Variants in PM20D1 observed in about 807,000 individuals in gnomAD.
PM20D1 encodes peptidase M20 domain containing 1.
In PM20D1, 53 loss-of-function variants were observed where a neutral mutation model predicts 53.8. The observed-to-expected ratio is 0.98, with a 90% CI of 0.79 to 1.24. PM20D1 has a LOEUF of 1.24. PM20D1 is among the 50% of genes most tolerant of loss of function. PM20D1 has a pLI of 0.00. For synonymous variants in PM20D1, 239 were observed against 241.3 expected (o/e 0.99, Z 0.09); for missense variants, 564 against 616.8 (o/e 0.91, Z 0.91).
At chr1:205,835,592 C>T (rs916361494) in intron 10 of PM20D1, among the ~76,000 whole-genome samples, 8 of 126,636 alleles carry the variant, frequency 6.3e-5, no homozygotes, top group African/African-American at 2.4e-4. Flanking sequence ...GCGGAGCTTG[C>T]AGTGGGCCAA....
At position 205,841,014 on chromosome 1, in the gene PM20D1, G is replaced by A. The variant is rs112273816; in HGVS notation, c.1045-691C>T. Among the ~76,000 whole-genome samples the A allele has an allele frequency of 1.7e-3, 253 of 152,284 alleles. 2 individuals are homozygous for A. The highest frequency in any genetic ancestry group is 5.4e-3 in the African/African-American group (226 of 41,552). ...GACCCTAAGACCTAACATAACCTTT[G>A]GGAGCTGGTTCCCTCTTATCCTTGA... On this transcript the variant is annotated intron_variant, in intron 9 of 12. Transcript: ENST00000367136.
At chr1:205,828,773 G>C (rs1224390252) in intron 12 of PM20D1, 30 bp from the exon 13 acceptor site, 1 of 1,612,914 alleles carries the variant, frequency 6.2e-7, no homozygotes, top group Admixed American at 1.7e-5. Context: ...TTTAGGGAAG[G>C]AGGGGAGGGC....
At chr1:205,835,651 C>CAAAAAAAAAAAA (rs59126866) in intron 10 of PM20D1, among the ~76,000 whole-genome samples, 1 of 55,558 alleles carries the variant, frequency 1.8e-5, no homozygotes, top group Non-Finnish European at 3.0e-5. Context: ...GACTCCGACT[C>CAAAAAAAAAAAA]AAAAAAAAAA....
chr1:205,833,568 T>G (rs1656609046), intron 10 of PM20D1, among the ~76,000 whole-genome samples: 1 of 152,216 alleles, frequency 6.6e-6, no homozygotes, highest in African/African-American at 2.4e-5. Flanking sequence ...GGAAAGAACC[T>G]AAGGAAACTC....
At chr1:205,838,487 A>G (rs758268234) in intron 10 of PM20D1, among the ~76,000 whole-genome samples, 49 of 152,154 alleles carry the variant, frequency 3.2e-4, no homozygotes, top group Non-Finnish European at 5.1e-4. Flanking sequence ...TATAGCACTC[A>G]TCGTGGTTTG....
chr1:205,832,652 G>C lies in PM20D1; in HGVS notation c.1231C>G (p.Leu411Val), dbSNP rs1292135443. 1 of 1,614,088 alleles carries C rather than the reference G, an allele frequency of 6.2e-7. No individual in the cohort carries two copies. Among genetic ancestry groups the C allele is most frequent in the East Asian group, 2.2e-5 (1 of 44,890 alleles). ...PSDDKALGYQ[L>V]LRQTVQSVFP... ...ACGGACTGTACGGTCTGGCGGAGCA[G>C]CTGGTAGCCCAAGGCCTTGTCATCA... Residue 411 changes from leucine to valine, a missense_variant, in exon 11 of 13, where the codon CTG (leucine) becomes GTG (valine). By Grantham distance (32) the Leu-to-Val change is conservative. Coordinates refer to ENST00000367136, the MANE Select transcript of PM20D1 (RefSeq NM_152491.5).
rs139312015 is a variant in PM20D1 at position 205,834,641 on chromosome 1, A to G, written c.1117-1875T>C. Among the ~76,000 whole-genome samples the G allele has an allele frequency of 4.4e-4, 67 of 152,344 alleles. No homozygotes were observed. In the East Asian group the frequency reaches 0.013, roughly 29 times the overall value. ...AGCATATTTTCACTCTAGCACTTAT[A>G]ATACAAATATCCTAATACAAGAATT... On this transcript the variant is annotated intron_variant, in intron 10 of 12. Coordinates refer to ENST00000367136, the MANE Select transcript of PM20D1 (RefSeq NM_152491.5).
rs761938080 is a variant in PM20D1 at position 205,845,370 on chromosome 1, G to A, written c.444C>T (p.Gly148=). 67 of 1,614,018 alleles carry A rather than the reference G, an allele frequency of 4.2e-5. 1 individual carries two copies. In the South Asian group the frequency reaches 5.1e-4, roughly 12 times the overall value. The change falls in exon 3 of 13, where the codon GGC becomes GGT. Residue 148 remains glycine (G), a synonymous_variant. Coordinates refer to ENST00000367136, the MANE Select transcript of PM20D1 (RefSeq NM_152491.5). ...CCAGTGTGCCCCGACCATAGATGAT[G>A]CCATCACGCTCCAACCCAGAGAATG... The part of the protein sequence containing the change: ...VPPFSGLERD[G]IIYGRGTLDD...
At chr1:205,837,583 T>C (rs1394366549) in intron 10 of PM20D1, among the ~76,000 whole-genome samples, 1 of 152,004 alleles carries the variant, frequency 6.6e-6, no homozygotes, top group Non-Finnish European at 1.5e-5. Context: ...CAGCAGGGAG[T>C]GTTCCTGACG....
Position 205,850,000 on chromosome 1 carries a change from A to G in PM20D1, c.73T>C (p.Ser25Pro). 6.2e-7 allele frequency: 1 copy of G among 1,614,106 alleles called. No homozygotes were observed. Among genetic ancestry groups the G allele is most frequent in the Non-Finnish European group, 8.5e-7 (1 of 1,179,990 alleles). Residue 25 changes from serine to proline, a missense_variant, in exon 1 of 13, where the codon TCG becomes CCG. Ser to Pro is a moderately conservative substitution (Grantham distance 74). Coordinates refer to ENST00000367136, the MANE Select transcript of PM20D1 (RefSeq NM_152491.5). ...TGCTCCCCGCTCCTCGGGCCCATCG[A>G]TCTGGAGACGGTAGGGAAAACTAGG... ...LLLVFPTVSRSMGPRSGEHQR... is the reference protein window; with the variant it reads ...LLLVFPTVSRPMGPRSGEHQR...
intron 10 of PM20D1, among the ~76,000 whole-genome samples, chr1:205,835,689 G>C (rs756056197): frequency 6.7e-6 from 1 of 148,228 alleles, no homozygotes; most frequent in African/African-American, 2.5e-5. Context: ...TGTAATGTGC[G>C]TAGGGCAGTG....
At chr1:205,835,019 G>T (rs188157886) in intron 10 of PM20D1, among the ~76,000 whole-genome samples, 17 of 152,312 alleles carry the variant, frequency 1.1e-4, no homozygotes, top group Admixed American at 9.8e-4. Context: ...TAAATAACTT[G>T]CCATGGGTTA....
chr1:205,833,164 G>A (rs28736541), intron 10 of PM20D1, among the ~76,000 whole-genome samples: 2 of 152,318 alleles, frequency 1.3e-5, no homozygotes, highest in Admixed American at 6.5e-5. Context: ...CTATTCTTAC[G>A]AAAAGCACCA....
rs1656777567 is a variant in PM20D1, at chr1:205,840,298, T to A, written c.1070A>T (p.Gln357Leu). ...VKFNVIPPVA[Q>L]ATVNFRIHPG... ...GTGAATCCGGAAGTTGACTGTGGCCTGGGCCACTGGGGGGATGACATTGAA... is the reference window on the plus strand; with the variant it reads ...GTGAATCCGGAAGTTGACTGTGGCCAGGGCCACTGGGGGGATGACATTGAA... The change falls in exon 10 of 13, where the codon CAG becomes CTG. Residue 357 changes from glutamine to leucine, a missense_variant. Coordinates refer to ENST00000367136, the MANE Select transcript of PM20D1 (RefSeq NM_152491.5). 3 of 1,614,062 alleles carry A rather than the reference T, an allele frequency of 1.9e-6. No homozygotes were observed. Among genetic ancestry groups the A allele is most frequent in the Non-Finnish European group, 2.5e-6 (3 of 1,179,954 alleles).
chr1:205,846,877 CTA>C (rs1299549925), intron 2 of PM20D1, among the ~76,000 whole-genome samples: 5 of 152,014 alleles, frequency 3.3e-5, no homozygotes, highest in African/African-American at 7.3e-5. Flanking sequence ...TTTACTGTCA[CTA>C]TACATTTCCT....
rs776892141 is a variant in PM20D1 at position 205,847,929 on chromosome 1, G to A, written c.212C>T (p.Ser71Phe). 1 of 1,600,236 alleles carries A rather than the reference G, an allele frequency of 6.2e-7. No individual in the cohort carries two copies. Among genetic ancestry groups the A allele is most frequent in the Non-Finnish European group, 8.5e-7 (1 of 1,173,428 alleles). ...IPTVTFSSEK[S>F]NTTALAEFGK... ...GAACTCAGCCAGGGCTGTAGTATTG[G>A]ACTTCTCAGAGCTAAAAGTCACTGT... The change falls in exon 2 of 13, where the codon TCC becomes TTC. Residue 71 changes from serine to phenylalanine, a missense_variant. By Grantham distance (155) the Ser-to-Phe change is radical. Transcript: ENST00000367136.
chr1:205,842,060 T>G lies in PM20D1; in HGVS notation c.965+94A>C. 6.1e-6 allele frequency: 8 copies of G among 1,310,934 alleles called. 1 individual carries two copies. In the South Asian group the frequency reaches 9.6e-5, roughly 16 times the overall value. 81.2% of individuals were successfully genotyped at this position (1,310,934 alleles called of 1,614,324 possible). A position where few individuals can be genotyped will look rare whatever the true frequency, so the allele number is the denominator to read the frequency against. ...GATGCAGTATCTGGTGGCTGAGGGA[T>G]GATTAGTCAGGCCCAGTTAAGCCAA... On this transcript the variant is annotated intron_variant, in intron 8 of 12. Coordinates refer to ENST00000367136, the MANE Select transcript of PM20D1 (RefSeq NM_152491.5).
At chr1:205,840,176 G>A (rs1656775064) in intron 10 of PM20D1, 76 bp downstream of exon 10, 3 of 1,352,302 alleles carry the variant, frequency 2.2e-6, no homozygotes, top group Non-Finnish European at 3.1e-6. Context: ...CCCTAGGACT[G>A]TAGTTAAACC....
At chr1:205,839,599 C>T (rs899450535) in intron 10 of PM20D1, among the ~76,000 whole-genome samples, 1 of 151,798 alleles carries the variant, frequency 6.6e-6, no homozygotes, top group Non-Finnish European at 1.5e-5. Context: ...TAATCCCAAC[C>T]CTTTGGAAGG....
Sources: allele counts gnomAD v4.1 joint callset (sites outside exome capture counted in the v4.1 genomes callset), GRCh38; gene constraint gnomAD v4.1.1; transcripts MANE v1.5; gene names NCBI Gene and HGNC (gene_info 2026-07-23, HGNC 2026-07-21).